The following NAV2 variants were observed in gnomAD, a reference collection of about 807,000 sequenced individuals.
NAV2 encodes helicase, APC down-regulated 1.
In NAV2, 54 loss-of-function variants were observed where a neutral mutation model predicts 223.2. The observed-to-expected ratio is 0.24, with a 90% CI of 0.19 to 0.30. The LOEUF (loss-of-function observed/expected upper bound fraction) is 0.30, where lower values mean the gene tolerates loss of function less well. NAV2 is among the 10% of genes least tolerant of loss of function. The pLI is 1.00. For synonymous variants in NAV2, 1,279 were observed against 1,239.3 expected (o/e 1.03, Z -0.67); for missense variants, 2,806 against 3,147.5 (o/e 0.89, Z 2.60).
chr11:19,893,687 G>A (rs938269919), intron 6 of NAV2, among the ~76,000 whole-genome samples: 2 of 152,190 alleles, frequency 1.3e-5, no homozygotes, highest in African/African-American at 4.8e-5. Context: ...AGGTTTCCCA[G>A]CCAAGGCACT....
intron 6 of NAV2, among the ~76,000 whole-genome samples, chr11:19,900,975 T>A (rs1291342489): frequency 6.6e-6 from 1 of 152,196 alleles, no homozygotes; most frequent in East Asian, 1.9e-4. Flanking sequence ...ATAGCCCTAA[T>A]GTTGGGAGAA....
At chr11:19,353,747 T>C (rs1412910046) in intron 1 of NAV2, among the ~76,000 whole-genome samples, 1 of 152,186 alleles carries the variant, frequency 6.6e-6, no homozygotes, top group African/African-American at 2.4e-5. Flanking sequence ...CTTAAAAAAA[T>C]ACTCAAGTCA....
intron 1 of NAV2, among the ~76,000 whole-genome samples, chr11:19,765,752 C>T (rs1471385131): frequency 1.3e-5 from 2 of 149,300 alleles, no homozygotes; most frequent in African/African-American, 2.5e-5. Context: ...TCCCTCTCCC[C>T]GCAACATTGC....
intron 1 of NAV2, among the ~76,000 whole-genome samples, chr11:19,630,077 G>C (rs2047301817): frequency 6.7e-6 from 1 of 150,084 alleles, no homozygotes. Context: ...ACTCTGTGGT[G>C]AACTTCTGGG....
At chr11:20,088,310 C>T (rs573673159) in intron 26 of NAV2, among the ~76,000 whole-genome samples, 14 of 152,184 alleles carry the variant, frequency 9.2e-5, no homozygotes, top group African/African-American at 2.2e-4. Flanking sequence ...CCTGAGTAGC[C>T]GGGATTACAA....
chr11:20,110,887 C>T (rs2062573840), intron 36 of NAV2, among the ~76,000 whole-genome samples: 1 of 152,106 alleles, frequency 6.6e-6, no homozygotes. Flanking sequence ...CAGGTGGAGT[C>T]CCTAGAATGG....
At chr11:19,514,974 T>A (rs2043400618) in intron 1 of NAV2, among the ~76,000 whole-genome samples, 1 of 152,192 alleles carries the variant, frequency 6.6e-6, no homozygotes, top group Admixed American at 6.5e-5. Flanking sequence ...TAGGTTCTCC[T>A]TCCCAGCTGA....
chr11:19,788,945 A>G (rs2057333450), intron 1 of NAV2, among the ~76,000 whole-genome samples: 1 of 152,094 alleles, frequency 6.6e-6, no homozygotes, highest in African/African-American at 2.4e-5. Context: ...CATAACATCT[A>G]TGCCAGTTAG....
intron 1 of NAV2, among the ~76,000 whole-genome samples, chr11:19,829,038 TCA>T (rs1261730515): frequency 6.6e-6 from 1 of 152,210 alleles, no homozygotes; most frequent in African/African-American, 2.4e-5. Context: ...TTGTGCAAAC[TCA>T]CAAAGAAACC....
chr11:19,613,744 C>T (rs1046272248), intron 1 of NAV2, among the ~76,000 whole-genome samples: 2 of 152,290 alleles, frequency 1.3e-5, no homozygotes, highest in Non-Finnish European at 1.5e-5. Context: ...ATATGACCTT[C>T]GGCAAGTTAG....
intron 7 of NAV2, among the ~76,000 whole-genome samples, chr11:19,937,010 C>T (rs574340149): frequency 3.3e-5 from 5 of 152,152 alleles, no homozygotes; most frequent in East Asian, 1.9e-4. Flanking sequence ...AGGTGGTGCA[C>T]GCCTGTAGTC....
At chr11:19,802,208 C>G (rs2152774331) in intron 1 of NAV2, among the ~76,000 whole-genome samples, 1 of 152,120 alleles carries the variant, frequency 6.6e-6, no homozygotes, top group Non-Finnish European at 1.5e-5. Context: ...TCAAATGGCT[C>G]TTATAGGAGG....
intron 1 of NAV2, among the ~76,000 whole-genome samples, chr11:19,760,501 C>G (rs1051672841): frequency 5.9e-5 from 9 of 152,192 alleles, no homozygotes; most frequent in African/African-American, 2.2e-4. Flanking sequence ...GACTCACAAG[C>G]TCTGAGAAGA....
rs150950128 is a variant in NAV2 at position 20,118,899 on chromosome 11, C to T, written c.*641C>T. ...TTTTTTAAATGGTGCTTTCCTTACC[C>T]GAGAGGTATTTTGCCTGTTCCAATC... On this transcript the variant is annotated 3_prime_UTR_variant, in exon 38 of 38. Transcript: ENST00000349880. The T allele has an allele frequency of 2.6e-5, 4 of 152,824 alleles. No homozygotes were observed. Among genetic ancestry groups the T allele is most frequent in the African/African-American group, 9.6e-5 (4 of 41,544 alleles). The allele number at this position is 152,824 out of a possible 1,614,324, so 9.5% of individuals were successfully genotyped here. A position where few individuals can be genotyped will look rare whatever the true frequency, so the allele number is the denominator to read the frequency against.
rs540524319 is a variant in NAV2, at chr11:19,712,910, C to T, written c.-786C>T. Among the ~76,000 whole-genome samples the T allele has an allele frequency of 6.7e-4, 102 of 151,386 alleles. No homozygotes were observed. The highest frequency in any genetic ancestry group is 2.3e-3 in the African/African-American group (95 of 41,452). ...CGCGGCGGCCGCTCCCGAGCGCAGC[C>T]CTGCCCGGCCCGCCAGCCGCGCGTC... is the stretch of plus-strand genomic sequence containing the variant. On this transcript the variant is annotated 5_prime_UTR_variant, in exon 1 of 38. Transcript: ENST00000349880.
At chr11:19,578,009 A>G (rs572093599) in intron 1 of NAV2, among the ~76,000 whole-genome samples, 10 of 152,306 alleles carry the variant, frequency 6.6e-5, no homozygotes, top group African/African-American at 2.2e-4. Context: ...GATCCAGAGC[A>G]TTTTCTGCTT....
chr11:19,476,752 T>C (rs1812643477), intron 1 of NAV2, among the ~76,000 whole-genome samples: 1 of 152,192 alleles, frequency 6.6e-6, no homozygotes, highest in Non-Finnish European at 1.5e-5. Context: ...TCATGGAGCC[T>C]CTTGGGACAC....
At chr11:19,892,640 C>T (rs373106652) in intron 6 of NAV2, 46 bp downstream of exon 6, 163 of 1,598,646 alleles carry the variant, frequency 1.0e-4, no homozygotes, top group Non-Finnish European at 1.3e-4. Flanking sequence ...TCCTTCAGAG[C>T]ACATCTACCT....
intron 11 of NAV2, among the ~76,000 whole-genome samples, chr11:20,014,523 G>A (rs1290131021): frequency 6.6e-6 from 1 of 152,126 alleles, no homozygotes; most frequent in Non-Finnish European, 1.5e-5. Flanking sequence ...GGGAGGCCAG[G>A]GTGAGAGGAT....
Sources: gnomAD v4.1 joint callset for allele counts (sites outside exome capture counted in the v4.1 genomes callset) on GRCh38, gnomAD v4.1.1 for gene constraint, MANE v1.5 for transcripts, NCBI Gene and HGNC (gene_info 2026-07-23, HGNC 2026-07-21) for gene names.